The following NRXN1 variants were observed in gnomAD, a reference collection of about 807,000 sequenced individuals.
NRXN1 encodes neurexin-1.
NRXN1 carries 39 observed loss-of-function variants against 150.9 expected under a neutral mutation model. The ratio of observed to expected loss-of-function variants is 0.26; its 90% CI spans 0.20 to 0.34. The LOEUF is 0.34. Ranked by LOEUF, NRXN1 falls within the 10% of genes least tolerant of loss-of-function variation. The pLI is 1.00. For synonymous variants in NRXN1, 924 were observed against 757.0 expected, an observed-to-expected ratio of 1.22 and a Z score of -3.62; for missense variants, 1,815 against 1,949.9, an observed-to-expected ratio of 0.93 and a Z score of 1.30.
At chr2:49,929,657 T>C (rs1248361380) in intron 22 of NRXN1, among the ~76,000 whole-genome samples, 2 of 152,200 alleles carry the variant, frequency 1.3e-5, no homozygotes, top group South Asian at 2.1e-4. Context: ...TATAACCTTT[T>C]ATCTCCTGCC....
At chr2:49,997,715 G>T (rs1263049255) in intron 21 of NRXN1, among the ~76,000 whole-genome samples, 1 of 152,080 alleles carries the variant, frequency 6.6e-6, no homozygotes, top group Non-Finnish European at 1.5e-5. Context: ...CCTAAATTAT[G>T]ATTTTCCCCA....
At chr2:50,758,916 A>G (rs77179337) in intron 5 of NRXN1, among the ~76,000 whole-genome samples, 2,288 of 151,992 alleles carry the variant, frequency 0.015, 30 homozygotes, top group Non-Finnish European at 0.02. Flanking sequence ...AACTAGGCTA[A>G]TTGGTAATTC....
chr2:50,424,642 A>G lies in NRXN1; in HGVS notation c.3364+40800T>C, dbSNP rs1195302522. ...TTCATATGTAACAGTATCAAGCACA[A>G]CTTAATTTAATTAATTATATGACTT... On this transcript the variant is annotated intron_variant, in intron 17 of 22. Transcript: ENST00000401669. Among the ~76,000 whole-genome samples, 4 of 152,150 alleles carry G rather than the reference A, an allele frequency of 2.6e-5. No individual in the cohort carries two copies. The East Asian group carries it at 7.7e-4, about 29-fold the overall frequency.
At position 50,996,919 on chromosome 2, in the gene NRXN1, T is replaced by C. The variant is rs549499111; in HGVS notation, c.772+30583A>G. Among the ~76,000 whole-genome samples, 6 of 152,134 alleles carry C rather than the reference T, an allele frequency of 3.9e-5. No individual in the cohort carries two copies. In the South Asian group the frequency reaches 1.2e-3, roughly 32 times the overall value. On this transcript the variant is annotated intron_variant, in intron 2 of 22. Coordinates refer to ENST00000401669, the MANE Select transcript of NRXN1 (RefSeq NM_001330078.2). The stretch of plus-strand genomic sequence containing the variant: ...GTAATCATTCCACAGCCCACATGAG[T>C]GGGCTCACACAGTGGTGGAATCCCT...
chr2:50,176,053 G>A (rs2152805754), intron 18 of NRXN1, among the ~76,000 whole-genome samples: 1 of 152,146 alleles, frequency 6.6e-6, no homozygotes, highest in Middle Eastern at 3.4e-3. Context: ...AGTCCCTCCT[G>A]CTATTCAGTT....
chr2:50,026,499 T>C (rs564634013), intron 21 of NRXN1, among the ~76,000 whole-genome samples: 6 of 152,152 alleles, frequency 3.9e-5, no homozygotes, highest in Non-Finnish European at 8.8e-5. Flanking sequence ...AATGTGAGAT[T>C]TATTTAGGGG....
At chr2:50,552,493 A>G in intron 9 of NRXN1, 94 bp downstream of exon 9, 1 of 869,302 alleles carries the variant, frequency 1.2e-6, no homozygotes, top group Admixed American at 2.3e-5. Context: ...AAATGCAGGA[A>G]GTCTTTAATA....
chr2:50,789,656 T>C (rs529850475), intron 5 of NRXN1, among the ~76,000 whole-genome samples: 3 of 152,246 alleles, frequency 2.0e-5, no homozygotes, highest in South Asian at 2.1e-4. Flanking sequence ...AGATAAGCTA[T>C]AGACATCAGA....
In NRXN1 at chr2:50,746,559, AAACAACAACAAC is replaced by A. The variant is rs77543976; in HGVS notation, c.833-122956_833-122945del. ...GGCAACAGAGCAAGACCCTGTCTCAAAACAACAACAACAACAACAACAACAACAACAACAACA... is the reference window on the plus strand; with the variant it reads ...GGCAACAGAGCAAGACCCTGTCTCAAAACAACAACAACAACAACAACAACA... On this transcript the variant is annotated intron_variant, in intron 5 of 22. Coordinates refer to ENST00000401669, the MANE Select transcript of NRXN1 (RefSeq NM_001330078.2). Among the ~76,000 whole-genome samples, 76 of 149,176 alleles carry A rather than the reference AAACAACAACAAC, an allele frequency of 5.1e-4. No individual in the cohort carries two copies. In the East Asian group the frequency reaches 9.7e-3, roughly 19 times the overall value.
Position 50,971,412 on chromosome 2 carries a change from G to A in NRXN1, c.773-45457C>T, listed in dbSNP as rs1287746680. Among the ~76,000 whole-genome samples, 12 of 151,840 alleles carry A rather than the reference G, an allele frequency of 7.9e-5. No homozygotes were observed. The South Asian group carries it at 1.3e-3, about 16-fold the overall frequency. ...AGCCTGGCCAACATGGTGAAACCCC[G>A]TCTCTACTAAAAATACAAAAATTAG... On this transcript the variant is annotated intron_variant, in intron 2 of 22. Coordinates refer to ENST00000401669, the MANE Select transcript of NRXN1 (RefSeq NM_001330078.2).
chr2:50,693,799 A>G (rs918342747), intron 5 of NRXN1, among the ~76,000 whole-genome samples: 1 of 152,060 alleles, frequency 6.6e-6, no homozygotes, highest in Non-Finnish European at 1.5e-5. Context: ...TTAATTTTGA[A>G]GTTTATTTTA....
intron 18 of NRXN1, among the ~76,000 whole-genome samples, chr2:50,166,305 GTGTGTGTGTGTGTGTGTGTT>G (rs1289779274): frequency 0.011 from 1,627 of 149,590 alleles, 36 homozygotes; most frequent in African/African-American, 0.039. Flanking sequence ...GTGTGTGTGT[GTGTGTGTGTGTGTGTGTGTT>G]TGTGTGTGTG....
intron 17 of NRXN1, among the ~76,000 whole-genome samples, chr2:50,301,375 G>A (rs1366782596): frequency 1.3e-5 from 2 of 152,106 alleles, no homozygotes; most frequent in African/African-American, 4.8e-5. Context: ...TTGATCCAGG[G>A]TCTGAATCCA....
At chr2:50,662,931 A>C (rs1687505008) in intron 5 of NRXN1, among the ~76,000 whole-genome samples, 1 of 152,028 alleles carries the variant, frequency 6.6e-6, no homozygotes, top group Non-Finnish European at 1.5e-5. Context: ...CTCTACCCCC[A>C]GTGATTCTCA....
At chr2:50,512,673 T>C (rs2092493726) in intron 12 of NRXN1, among the ~76,000 whole-genome samples, 1 of 152,184 alleles carries the variant, frequency 6.6e-6, no homozygotes. Flanking sequence ...ATTTAGGACC[T>C]AACATGCATT....
intron 5 of NRXN1, among the ~76,000 whole-genome samples, chr2:50,729,263 T>C (rs1436212971): frequency 6.6e-6 from 1 of 152,222 alleles, no homozygotes; most frequent in Non-Finnish European, 1.5e-5. Flanking sequence ...CGAAATTAGG[T>C]TGAATAGCTA....
At chr2:50,792,782 T>A (rs4125974) in intron 5 of NRXN1, among the ~76,000 whole-genome samples, 1 of 151,994 alleles carries the variant, frequency 6.6e-6, no homozygotes, top group Non-Finnish European at 1.5e-5. Context: ...TTAGATACTT[T>A]AGAGAATTTA....
At chr2:50,525,386 C>T (rs1420195902) in intron 12 of NRXN1, among the ~76,000 whole-genome samples, 1 of 152,134 alleles carries the variant, frequency 6.6e-6, no homozygotes, top group Non-Finnish European at 1.5e-5. Flanking sequence ...CCCATCTACC[C>T]TTATTAAAGT....
At chr2:50,257,757 G>A (rs942816701) in intron 17 of NRXN1, among the ~76,000 whole-genome samples, 1 of 152,020 alleles carries the variant, frequency 6.6e-6, no homozygotes, top group African/African-American at 2.4e-5. Context: ...AAAGAGTATC[G>A]TTAAAGTGCT....
Sources: gnomAD v4.1 joint callset for allele counts (sites outside exome capture counted in the v4.1 genomes callset) on GRCh38, gnomAD v4.1.1 for gene constraint, MANE v1.5 for transcripts, NCBI Gene and HGNC (gene_info 2026-07-23, HGNC 2026-07-21) for gene names.